BTLA: variants seen among roughly 807,000 people sequenced by gnomAD.
The protein encoded by BTLA is B and T lymphocyte associated, also known as B- and T-lymphocyte attenuator.
Under a neutral mutation model 25.0 loss-of-function variants are expected in BTLA, and 11 were observed. The ratio of observed to expected loss-of-function variants is 0.44; its 90% CI spans 0.28 to 0.73. The LOEUF is 0.73. BTLA is among the 30% of genes least tolerant of loss of function. BTLA has a pLI of 0.15. For synonymous variants in BTLA, 104 were observed against 119.8 expected (o/e 0.87, Z 0.86); for missense variants, 282 against 332.8 (o/e 0.85, Z 1.19).
intron 1 of BTLA, among the ~76,000 whole-genome samples, chr3:112,490,741 G>C (rs112239626): frequency 1.2e-3 from 1 of 834 alleles, no homozygotes; most frequent in South Asian, 0.083. Context: ...AAAAAAAAAA[G>C]CAACCATGAA....
intron 1 of BTLA, among the ~76,000 whole-genome samples, chr3:112,480,572 A>C (rs566640546): frequency 1.3e-5 from 2 of 152,318 alleles, no homozygotes; most frequent in African/African-American, 4.8e-5. Context: ...TCATGGCAGA[A>C]AGCAGAAAGT....
intron 1 of BTLA, among the ~76,000 whole-genome samples, chr3:112,485,839 A>G (rs1453599191): frequency 6.6e-6 from 1 of 152,208 alleles, no homozygotes; most frequent in Non-Finnish European, 1.5e-5. Flanking sequence ...CTGGCCGGGC[A>G]CGGTGGCTCA....
intron 2 of BTLA, among the ~76,000 whole-genome samples, chr3:112,473,611 C>CTTTTTTTTTTTTT (rs777897332): frequency 3.5e-5 from 4 of 115,154 alleles, no homozygotes; most frequent in Admixed American, 9.3e-5. Flanking sequence ...TTTTCTTCTT[C>CTTTTTTTTTTTTT]TTTTTTTTTT....
At position 112,471,309 on chromosome 3, in the gene BTLA, G is replaced by A; in HGVS notation, c.450C>T (p.Ser150=). 3 of 1,614,018 alleles carry A rather than the reference G, an allele frequency of 1.9e-6. No individual in the cohort carries two copies. The highest frequency in any genetic ancestry group is 2.5e-6 in the Non-Finnish European group (3 of 1,179,918). The part of the protein sequence containing the change: ...SERPSKDEMA[S]RPWLLYRLLP... ...GTAAACGATACAGGAGCCAGGGTCT[G>A]CTTGCCATTTCGTCCTTGGAGGGTC... is the stretch of plus-strand genomic sequence containing the variant. The change falls in exon 3 of 5, where the codon AGC becomes AGT. Residue 150 remains serine (S), a synonymous_variant. Transcript: ENST00000334529.
At chr3:112,495,161 G>A (rs1331661269) in intron 1 of BTLA, among the ~76,000 whole-genome samples, 1 of 152,092 alleles carries the variant, frequency 6.6e-6, no homozygotes, top group Admixed American at 6.5e-5. Flanking sequence ...TTTTTTAGAT[G>A]AGAAAACTGA....
intron 2 of BTLA, among the ~76,000 whole-genome samples, chr3:112,478,191 G>T (rs1230522578): frequency 6.6e-6 from 1 of 152,012 alleles, no homozygotes; most frequent in Non-Finnish European, 1.5e-5. Flanking sequence ...TAGTGGAACT[G>T]CATTGAATCT....
chr3:112,479,128 A>C (rs1281725390), intron 2 of BTLA, among the ~76,000 whole-genome samples: 1 of 152,166 alleles, frequency 6.6e-6, no homozygotes, highest in Non-Finnish European at 1.5e-5. Context: ...TCACAGAGCT[A>C]TTCGCAACTA....
At chr3:112,467,596 G>A (rs781564765) in intron 4 of BTLA, among the ~76,000 whole-genome samples, 4 of 152,184 alleles carry the variant, frequency 2.6e-5, no homozygotes, top group Non-Finnish European at 4.4e-5. Context: ...GGATGTCTAT[G>A]GCAGATTTCC....
intron 1 of BTLA, among the ~76,000 whole-genome samples, chr3:112,485,834 C>T (rs1269336236): frequency 6.6e-6 from 1 of 152,188 alleles, no homozygotes; most frequent in Non-Finnish European, 1.5e-5. Context: ...AACTTCTGGC[C>T]GGGCACGGTG....
At chr3:112,467,109 C>T (rs1576675598) in intron 4 of BTLA, among the ~76,000 whole-genome samples, 1 of 152,120 alleles carries the variant, frequency 6.6e-6, no homozygotes, top group South Asian at 2.1e-4. Flanking sequence ...AGGCGCCCGC[C>T]ACCTCGCCCG....
intron 1 of BTLA, among the ~76,000 whole-genome samples, chr3:112,494,301 G>T (rs113521375): frequency 0.04 from 6,060 of 152,188 alleles, 318 homozygotes; most frequent in African/African-American, 0.13. Context: ...GCTTTTACAC[G>T]GTTGGTGGGA....
intron 1 of BTLA, among the ~76,000 whole-genome samples, chr3:112,482,346 T>C (rs923584992): frequency 3.9e-5 from 6 of 152,204 alleles, no homozygotes; most frequent in African/African-American, 1.4e-4. Context: ...AAAACTCTCT[T>C]TTAAATACAA....
At chr3:112,475,793 T>C (rs1314339390) in intron 2 of BTLA, among the ~76,000 whole-genome samples, 1 of 152,044 alleles carries the variant, frequency 6.6e-6, no homozygotes, top group Non-Finnish European at 1.5e-5. Context: ...ATTATGTTAA[T>C]ATATTATATA....
At chr3:112,468,914 T>A (rs1022269754) in intron 4 of BTLA, among the ~76,000 whole-genome samples, 4 of 152,134 alleles carry the variant, frequency 2.6e-5, no homozygotes, top group Non-Finnish European at 4.4e-5. Context: ...ATATATAGAA[T>A]TATTGGCTGT....
intron 1 of BTLA, among the ~76,000 whole-genome samples, chr3:112,486,147 A>G (rs1401710207): frequency 6.6e-6 from 1 of 151,922 alleles, no homozygotes; most frequent in African/African-American, 2.4e-5. Flanking sequence ...AAGAATAAAA[A>G]CTTCTACTCC....
At chr3:112,498,443 AAAAAAAT>A (rs2082422224) in intron 1 of BTLA, among the ~76,000 whole-genome samples, 1 of 152,038 alleles carries the variant, frequency 6.6e-6, no homozygotes, top group African/African-American at 2.4e-5. Flanking sequence ...TCAAAAAAAT[AAAAAAAT>A]AAAACCTGAA....
intron 1 of BTLA, among the ~76,000 whole-genome samples, chr3:112,482,629 G>A (rs1267326831): frequency 3.9e-5 from 6 of 152,140 alleles, no homozygotes; most frequent in Non-Finnish European, 5.9e-5. Context: ...GAATCAGAGT[G>A]AGAAAAAGGA....
rs1178005428 is a variant in BTLA at position 112,474,895 on chromosome 3, T to TCAAACTGTGGAA, written c.404-3552_404-3541dup. ...GAAACAATCTAGAAAGGTGGTGGGA[T>TCAAACTGTGGAA]CAAACTGTGGAAGACTTTGAATGCT... On this transcript the variant is annotated intron_variant, in intron 2 of 4. Transcript: ENST00000334529. Among the ~76,000 whole-genome samples, 3 of 152,262 alleles carry TCAAACTGTGGAA rather than the reference T, an allele frequency of 2.0e-5. No homozygotes were observed. The East Asian group carries it at 5.8e-4, about 29-fold the overall frequency.
At chr3:112,485,621 T>A (rs2082342657) in intron 1 of BTLA, among the ~76,000 whole-genome samples, 1 of 152,022 alleles carries the variant, frequency 6.6e-6, no homozygotes, top group Non-Finnish European at 1.5e-5. Context: ...TGGAGTGCAA[T>A]GGAGCGATCT....
Sources: allele counts gnomAD v4.1 joint callset (sites outside exome capture counted in the v4.1 genomes callset), GRCh38; gene constraint gnomAD v4.1.1; transcripts MANE v1.5; gene names NCBI Gene and HGNC (gene_info 2026-07-23, HGNC 2026-07-21).